The following HERC1 variants were observed in gnomAD, a reference collection of about 807,000 sequenced individuals.
The protein encoded by HERC1 is probable E3 ubiquitin-protein ligase HERC1.
A neutral mutation model predicts 554.3 loss-of-function variants in HERC1; 160 were observed. That is an observed-to-expected ratio of 0.29 (90% confidence interval 0.25 to 0.33). The LOEUF (loss-of-function observed/expected upper bound fraction) is 0.33. Among genes scored for constraint, HERC1 ranks in the 10% least tolerant of loss-of-function variants. The pLI is 1.00. For synonymous variants in HERC1, 2,175 were observed against 2,131.7 expected (o/e 1.02, Z -0.56); for missense variants, 4,919 against 5,918.5 (o/e 0.83, Z 5.54).
At chr15:63,765,756 C>T (rs143640075) in intron 2 of HERC1, among the ~76,000 whole-genome samples, 5 of 152,100 alleles carry the variant, frequency 3.3e-5, no homozygotes, top group Admixed American at 1.3e-4. Flanking sequence ...ATTATGTCGC[C>T]CTAAAATGTA....
chr15:63,741,542 G>C (rs1013941674), intron 12 of HERC1, among the ~76,000 whole-genome samples: 1 of 151,834 alleles, frequency 6.6e-6, no homozygotes, highest in African/African-American at 2.4e-5. Context: ...CTCGACTTCA[G>C]GTGATCCACC....
Position 63,733,050 on chromosome 15 carries a change from T to C in HERC1, c.2742A>G (p.Leu914=), listed in dbSNP as rs369604966. The C allele has an allele frequency of 1.0e-4, 163 of 1,613,708 alleles. No individual in the cohort carries two copies. The highest frequency in any genetic ancestry group is 1.3e-4 in the Non-Finnish European group (152 of 1,179,796). ...TTCCGTAGCCAGTACACACAGAAGATAGGTCAGCAGCATCAGAGGGTGAAC... is the reference window on the plus strand; with the variant it reads ...TTCCGTAGCCAGTACACACAGAAGACAGGTCAGCAGCATCAGAGGGTGAAC... ...GYSSPSDAAD[L]SSVCTGYGNL... The change falls in exon 14 of 78, where the codon CTA becomes CTG. Residue 914 remains leucine, a synonymous_variant. Coordinates refer to ENST00000443617, the MANE Select transcript of HERC1 (RefSeq NM_003922.4).
intron 1 of HERC1, among the ~76,000 whole-genome samples, chr15:63,823,363 T>G (rs1370763326): frequency 6.6e-6 from 1 of 152,218 alleles, no homozygotes; most frequent in African/African-American, 2.4e-5. Context: ...AATACAGATG[T>G]AGAAGATTTT....
At chr15:63,699,935 C>A (rs2153071993) in intron 25 of HERC1, among the ~76,000 whole-genome samples, 1 of 152,230 alleles carries the variant, frequency 6.6e-6, no homozygotes, top group Non-Finnish European at 1.5e-5. Flanking sequence ...TCATGACATA[C>A]TCTCATCATT....
chr15:63,803,353 C>T (rs1404006572), intron 1 of HERC1, among the ~76,000 whole-genome samples: 1 of 152,116 alleles, frequency 6.6e-6, no homozygotes, highest in South Asian at 2.1e-4. Flanking sequence ...GACTAGTCTG[C>T]CAGGTGACCC....
chr15:63,741,730 C>T (rs1398973986), intron 12 of HERC1, among the ~76,000 whole-genome samples: 4 of 152,168 alleles, frequency 2.6e-5, no homozygotes, highest in Admixed American at 1.3e-4. Context: ...TGTCCAAGTA[C>T]CATGAGACAC....
At chr15:63,751,091 C>T (rs1379611190) in intron 8 of HERC1, among the ~76,000 whole-genome samples, 1 of 152,096 alleles carries the variant, frequency 6.6e-6, no homozygotes, top group Admixed American at 6.5e-5. Flanking sequence ...TCAAAATCAT[C>T]ACAGAAGATT....
chr15:63,665,643 T>G (rs978454505), intron 42 of HERC1, among the ~76,000 whole-genome samples: 30 of 152,252 alleles, frequency 2.0e-4, no homozygotes, highest in African/African-American at 7.0e-4. Context: ...TATTAGCATG[T>G]TTACTTCAAA....
intron 76 of HERC1, among the ~76,000 whole-genome samples, chr15:63,614,387 G>A (rs1046225691): frequency 6.6e-5 from 10 of 152,184 alleles, no homozygotes; most frequent in South Asian, 2.1e-4. Context: ...CATGGCTGGC[G>A]TGCAGAAGGT....
rs748019019 is a variant in HERC1 at position 63,638,742 on chromosome 15, T to G, written c.11936A>C (p.Gln3979Pro). ...TCTGGAAGTTGCCCAAGACATAATT[T>G]GTTCATCCATGCCGTTAATCCATTT... Reference protein sequence around the residue: ...NSKWINGMDEQIMSWATSRPE... With the variant: ...NSKWINGMDEPIMSWATSRPE... The change falls in exon 62 of 78, where the codon CAA (glutamine) becomes CCA (proline). Residue 3979 changes from glutamine (Q) to proline (P), a missense_variant. By Grantham distance (76) the Gln-to-Pro change is moderately conservative. Around this residue, in one of 11 missense-constraint regions of HERC1, gnomAD observed 1,963 missense variants for 2,228.6 expected, o/e 0.88. Transcript: ENST00000443617. The G allele has an allele frequency of 1.9e-6, 3 of 1,613,722 alleles. No individual in the cohort carries two copies. The highest frequency in any genetic ancestry group is 1.7e-5 in the Admixed American group (1 of 60,020).
intron 1 of HERC1, among the ~76,000 whole-genome samples, chr15:63,804,407 G>A (rs1188629062): frequency 6.6e-6 from 1 of 151,988 alleles, no homozygotes; most frequent in Non-Finnish European, 1.5e-5. Context: ...CCAACATGGT[G>A]AAACCCGTCT....
chr15:63,741,028 T>C (rs543773079), intron 12 of HERC1, among the ~76,000 whole-genome samples: 1 of 152,220 alleles, frequency 6.6e-6, no homozygotes, highest in South Asian at 2.1e-4. Flanking sequence ...CTATGTTGTT[T>C]TTTTTTTTAT....
intron 1 of HERC1, among the ~76,000 whole-genome samples, chr15:63,808,061 T>C (rs1003569625): frequency 1.3e-5 from 2 of 151,656 alleles, no homozygotes; most frequent in South Asian, 4.2e-4. Flanking sequence ...TCAGCTATTT[T>C]AAGTTTCTTC....
At chr15:63,691,442 G>A (rs2072102740) in intron 31 of HERC1, among the ~76,000 whole-genome samples, 1 of 151,596 alleles carries the variant, frequency 6.6e-6, no homozygotes, top group South Asian at 2.1e-4. Context: ...CTCCAGCCTG[G>A]GCGACACAGA....
Position 63,734,247 on chromosome 15 carries a change from G to GT in HERC1, c.2646+476dup, listed in dbSNP as rs1238688590. ...GTACCAATTTTTTTTCCTCAAATCT[G>GT]TATCTCTGAATCTGATAACTTCTAC... On this transcript the variant is annotated intron_variant, in intron 13 of 77. Transcript: ENST00000443617. This position sits in a 1 kb window ranked among gnomAD's most constrained non-coding sequence, Gnocchi z 4.6. Among the ~76,000 whole-genome samples the GT allele has an allele frequency of 1.3e-5, 2 of 152,072 alleles. No individual in the cohort carries two copies. The highest frequency in any genetic ancestry group is 2.9e-5 in the Non-Finnish European group (2 of 68,008).
chr15:63,651,487 A>T (rs2069674346), intron 52 of HERC1, 107 bp from the exon 53 acceptor site: 4 of 1,036,072 alleles, frequency 3.9e-6, no homozygotes, highest in Non-Finnish European at 5.5e-6. Flanking sequence ...TGTATAACTG[A>T]TTCTTCTGTT....
intron 74 of HERC1, among the ~76,000 whole-genome samples, chr15:63,618,308 G>A (rs912758187): frequency 6.6e-6 from 1 of 152,178 alleles, no homozygotes; most frequent in Non-Finnish European, 1.5e-5. Context: ...AGATCAGATA[G>A]TTGTAGATAT....
At chr15:63,748,503 C>A (rs1481611510) in intron 10 of HERC1, among the ~76,000 whole-genome samples, 4 of 152,002 alleles carry the variant, frequency 2.6e-5, no homozygotes, top group Non-Finnish European at 5.9e-5. Flanking sequence ...AGAAAAATAT[C>A]CTGACTCTAT....
chr15:63,702,713 C>T (rs1315204454), intron 25 of HERC1, among the ~76,000 whole-genome samples: 2 of 152,120 alleles, frequency 1.3e-5, no homozygotes, highest in Non-Finnish European at 1.5e-5. Flanking sequence ...TAGAACAATG[C>T]TCATATAGTA....
Sources: allele counts gnomAD v4.1 joint callset (sites outside exome capture counted in the v4.1 genomes callset), GRCh38; gene constraint gnomAD v4.1.1; regional missense constraint gnomAD v4.1.1; non-coding constraint Gnocchi (gnomAD v3.1); transcripts MANE v1.5; gene names NCBI Gene and HGNC (gene_info 2026-07-23, HGNC 2026-07-21).